Variants in NAPSA observed in about 807,000 individuals in gnomAD.
NAPSA encodes napsin-A.
A neutral mutation model predicts 36.7 loss-of-function variants in NAPSA; 37 were observed. The observed-to-expected ratio is 1.01, with a 90% CI of 0.78 to 1.33. NAPSA has a LOEUF of 1.33. Among genes scored for constraint, NAPSA ranks in the 40% most tolerant of loss-of-function variants. The pLI is 0.00. For synonymous variants in NAPSA, 222 were observed against 234.5 expected, an observed-to-expected ratio of 0.95 and a Z score of 0.49; for missense variants, 532 against 543.8, an observed-to-expected ratio of 0.98 and a Z score of 0.21.
chr19:50,359,019 C>T lies in NAPSA; in HGVS notation c.1027G>A (p.Val343Ile), dbSNP rs958024903. 5.6e-6 allele frequency: 9 copies of T among 1,613,218 alleles called. No homozygotes were observed. Among genetic ancestry groups the T allele is most frequent in the African/African-American group, 4.0e-5 (3 of 74,852 alleles). Residue 343 changes from valine to isoleucine, a missense_variant, in exon 8 of 9, where the codon GTC becomes ATC. Val to Ile is a conservative substitution (Grantham distance 29, BLOSUM62 3). Transcript: ENST00000253719. The part of the protein sequence containing the change: ...VWFNLTAHDY[V>I]IQTTRNGVRL... ...TGGTGATGGCCACCTACCTGGATGACGTAATCATGGGCCGTGAGGTTAAAC... is the reference window on the plus strand; with the variant it reads ...TGGTGATGGCCACCTACCTGGATGATGTAATCATGGGCCGTGAGGTTAAAC...
At chr19:50,364,614 CAA>C (rs34476647) in intron 1 of NAPSA, among the ~76,000 whole-genome samples, 5 of 39,026 alleles carry the variant, frequency 1.3e-4, no homozygotes, top group Admixed American at 2.7e-4. Context: ...GACTCAGTCT[CAA>C]AAAAAAAAAA....
intron 4 of NAPSA, 66 bp from the exon 5 acceptor site, chr19:50,361,206 C>T (rs1206612329): frequency 2.1e-6 from 3 of 1,396,854 alleles, no homozygotes; most frequent in Non-Finnish European, 2.0e-6. Flanking sequence ...CCTGAGGTCT[C>T]CCAAACCAAG....
chr19:50,359,188 G>T, intron 7 of NAPSA, 79 bp from the exon 8 acceptor site: 2 of 1,291,388 alleles, frequency 1.5e-6, no homozygotes, highest in Non-Finnish European at 2.2e-6. Flanking sequence ...AGTGCCATAG[G>T]GTAATTTCCC....
rs1317179913 is a variant in NAPSA, at chr19:50,360,892, C to G, written c.668+49G>C. ...CAGTGACTTCCTGAAGGAAGACTCTCTTCCTTCTTGGGGATAGGACTCATA... is the reference window on the plus strand; with the variant it reads ...CAGTGACTTCCTGAAGGAAGACTCTGTTCCTTCTTGGGGATAGGACTCATA... On this transcript the variant is annotated intron_variant, in intron 5 of 8. Transcript: ENST00000253719. 3 of 1,557,014 alleles carry G rather than the reference C, an allele frequency of 1.9e-6. No homozygotes were observed. In the Admixed American group the frequency reaches 5.5e-5, roughly 29 times the overall value.
At chr19:50,360,135 AT>A (rs1403572025) in intron 5 of NAPSA, among the ~76,000 whole-genome samples, 1 of 152,186 alleles carries the variant, frequency 6.6e-6, no homozygotes, top group African/African-American at 2.4e-5. Flanking sequence ...TGAGCTGAAT[AT>A]CATAGTAACC....
intron 8 of NAPSA, 45 bp downstream of exon 8, chr19:50,358,966 A>C: frequency 6.5e-7 from 1 of 1,535,770 alleles, no homozygotes; most frequent in Non-Finnish European, 9.0e-7. Flanking sequence ...ACCCTCTCAA[A>C]CCGTCATATG....
chr19:50,368,157 C>CAAAAAAAA (rs56938224), upstream of NAPSA, among the ~76,000 whole-genome samples: 14 of 64,142 alleles, frequency 2.2e-4, no homozygotes, highest in Non-Finnish European at 2.6e-4. Flanking sequence ...GACTCCCTCT[C>CAAAAAAAA]AAAAAAAAAA....
intron 1 of NAPSA, among the ~76,000 whole-genome samples, chr19:50,364,180 GC>G (rs1312040835): frequency 6.6e-6 from 1 of 151,866 alleles, no homozygotes; most frequent in Non-Finnish European, 1.5e-5. Context: ...AATTAGCCGG[GC>G]ATGGTGACTC....
At chr19:50,365,464 T>G (rs2123621005) in intron 1 of NAPSA, 75 bp downstream of exon 1, 2 of 1,414,590 alleles carry the variant, frequency 1.4e-6, no homozygotes, top group East Asian at 4.6e-5. Flanking sequence ...ATCACTGAAC[T>G]GGGAGTCCTA....
chr19:50,361,860 G>C, intron 3 of NAPSA, 79 bp from the exon 4 acceptor site: 2 of 1,603,424 alleles, frequency 1.2e-6, no homozygotes, highest in Middle Eastern at 1.7e-4. Context: ...TCTGACCTGT[G>C]AGGGCATGAT....
At position 50,361,047 on chromosome 19, in the gene NAPSA, C is replaced by T; in HGVS notation, c.562G>A (p.Gly188Ser). The change falls in exon 5 of 9, where the codon GGC becomes AGC. Residue 188 changes from glycine (G) to serine (S), a missense_variant. Gly to Ser is a moderately conservative substitution (Grantham distance 56, BLOSUM62 0). This residue lies in a region of NAPSA where 385 missense variants were observed against 371.5 expected (regional missense o/e 1.04). Transcript: ENST00000253719. ...FAFAHFDGIL[G>S]LGFPILSVEG... ...ACAGACAGAATGGGAAAACCGAGGCCCAATATCCCATCAAAATGGGCAAAA... is the reference window on the plus strand; with the variant it reads ...ACAGACAGAATGGGAAAACCGAGGCTCAATATCCCATCAAAATGGGCAAAA... 2 of 1,614,132 alleles carry T rather than the reference C, an allele frequency of 1.2e-6. No homozygotes were observed. Among genetic ancestry groups the T allele is most frequent in the Non-Finnish European group, 1.7e-6 (2 of 1,180,002 alleles).
intron 4 of NAPSA, chr19:50,361,407 G>T (rs2037471220): frequency 1.8e-6 from 1 of 563,696 alleles, no homozygotes; most frequent in African/African-American, 2.1e-5. Flanking sequence ...CCTCCTCCCT[G>T]CTTGAGAAGC....
chr19:50,361,769 C>A lies in NAPSA; in HGVS notation c.362G>T (p.Arg121Leu). 1.9e-6 allele frequency: 3 copies of A among 1,614,060 alleles called. No homozygotes were observed. The highest frequency in any genetic ancestry group is 2.5e-6 in the Non-Finnish European group (3 of 1,179,994). Residue 121 changes from arginine (R) to leucine (L), a missense_variant, in exon 4 of 9, where the codon CGA becomes CTA. This residue lies in a region of NAPSA where 45 missense variants were observed against 78.7 expected (regional missense o/e 0.57). Transcript: ENST00000253719. ...FFSVPCWLHH[R>L]FDPKASSSFQ... ...GGAGCTAGAGGCTTTGGGATCAAAT[C>A]GGTGGTGTAACCCTAGGTTAGAGGT...
Position 50,358,721 on chromosome 19 carries a change from C to T in NAPSA, c.1095G>A (p.Pro365=). ...LSGFQALDVP[P]PAGPFWILGD... is the part of the protein sequence containing the mutation. ...CGAGGATCCAGAAGGGCCCTGCAGG[C>T]GGAGGGACATCCAGGGCCTGGAAAC... The change falls in exon 9 of 9, where the codon CCG becomes CCA. Residue 365 remains proline, a synonymous_variant. Coordinates refer to ENST00000253719, the MANE Select transcript of NAPSA (RefSeq NM_004851.3). 6.2e-7 allele frequency: 1 copy of T among 1,613,382 alleles called. No homozygotes were observed. The highest frequency in any genetic ancestry group is 8.5e-7 in the Non-Finnish European group (1 of 1,179,934).
In NAPSA at chr19:50,365,404, C is replaced by T; in HGVS notation, c.83+135G>A. On this transcript the variant is annotated intron_variant, in intron 1 of 8. Coordinates refer to ENST00000253719, the MANE Select transcript of NAPSA (RefSeq NM_004851.3). ...AGGGGTGACAGCCTGGTTTAGAGAT[C>T]TGGAAAGCTGAGAAAGAAGCTCTAG... The T allele has an allele frequency of 3.9e-6, 3 of 774,514 alleles. No homozygotes were observed. In the South Asian group the frequency reaches 5.3e-5, roughly 14 times the overall value. 48.0% of individuals were successfully genotyped at this position (774,514 alleles called of 1,614,324 possible).
chr19:50,358,685 G>A lies in NAPSA; in HGVS notation c.1131C>T (p.Phe377=). 1.2e-6 allele frequency: 2 copies of A among 1,613,478 alleles called. No homozygotes were observed. The highest frequency in any genetic ancestry group is 8.5e-7 in the Non-Finnish European group (1 of 1,179,992). ...CGAAGACGGCCACATACGTCCCCAAGAAGACGTCACCGAGGATCCAGAAGG... is the reference window on the plus strand; with the variant it reads ...CGAAGACGGCCACATACGTCCCCAAAAAGACGTCACCGAGGATCCAGAAGG... ...AGPFWILGDV[F]LGTYVAVFDR... Residue 377 remains phenylalanine (F), a synonymous_variant, in exon 9 of 9, where the codon TTC becomes TTT. Coordinates refer to ENST00000253719, the MANE Select transcript of NAPSA (RefSeq NM_004851.3).
chr19:50,360,005 A>G, intron 5 of NAPSA, 143 bp from the exon 6 acceptor site: 1 of 1,110,392 alleles, frequency 9.0e-7, no homozygotes, highest in Non-Finnish European at 1.3e-6. Context: ...AAGGGCCTAG[A>G]TGTTGGGACT....
rs1195747721 is a variant in NAPSA, at chr19:50,365,633, T to C, written c.-12A>G. The C allele has an allele frequency of 2.5e-6, 4 of 1,600,410 alleles. No individual in the cohort carries two copies. In the African/African-American group the frequency reaches 5.4e-5, roughly 21 times the overall value. On this transcript the variant is annotated 5_prime_UTR_variant, in exon 1 of 9. Transcript: ENST00000253719. Reference sequence around the variant, plus strand: ...GGTGGTGGAGACATCGCTGGGGACCTGGGTGTGAACCCAGGTGTCCTGGGG... The same window carrying C: ...GGTGGTGGAGACATCGCTGGGGACCCGGGTGTGAACCCAGGTGTCCTGGGG...
rs1331141830 is a variant in NAPSA, at chr19:50,358,589, T to G, written c.1227A>C (p.Gly409=). The G allele has an allele frequency of 1.2e-6, 2 of 1,610,704 alleles. No homozygotes were observed. The highest frequency in any genetic ancestry group is 1.7e-6 in the Non-Finnish European group (2 of 1,179,056). The change falls in exon 9 of 9, where the codon GGA becomes GGC. Residue 409 remains glycine, a synonymous_variant. Coordinates refer to ENST00000253719, the MANE Select transcript of NAPSA (RefSeq NM_004851.3). ...ACTGCGCCTGCGCAGTCTCTCCCCA[T>G]CCGAGGTCCGCTCCGCGAGTGCGAG... ...ARARTRGADL[G]WGETAQAQFP...
Sources: gnomAD v4.1 joint callset for allele counts (sites outside exome capture counted in the v4.1 genomes callset) on GRCh38, gnomAD v4.1.1 for gene constraint, gnomAD v4.1.1 regional missense constraint, MANE v1.5 for transcripts, NCBI Gene and HGNC (gene_info 2026-07-23, HGNC 2026-07-21) for gene names.